HLA-DPA1: variants seen among roughly 807,000 people sequenced by gnomAD.
The protein encoded by HLA-DPA1 is major histocompatibility complex, class II, DP alpha 1.
HLA-DPA1 carries 20 observed loss-of-function variants against 21.5 expected under a neutral mutation model. That is an observed-to-expected ratio of 0.93 (90% confidence interval 0.66 to 1.35). HLA-DPA1 has a LOEUF of 1.35. Among genes scored for constraint, HLA-DPA1 ranks in the 40% most tolerant of loss-of-function variants. HLA-DPA1 has a pLI of 0.00. For missense variants in HLA-DPA1, 279 were observed against 323.0 expected (o/e 0.86, Z 1.05); for synonymous variants, 123 against 129.6 (o/e 0.95, Z 0.35).
chr6:33,075,104 T>C lies in HLA-DPA1; in HGVS notation c.-99-1435A>G, dbSNP rs147820580. Among the ~76,000 whole-genome samples the C allele has an allele frequency of 1.4e-3, 215 of 152,320 alleles. 2 individuals are homozygous for C. The East Asian group carries it at 0.026, about 18-fold the overall frequency. ...GTAAAAATATTCACTCTAAACAAAA[T>C]AGAATCAGATGCTTTGAAGGAGGTG... On this transcript the variant is annotated intron_variant, in intron 1 of 5. Transcript: ENST00000419277.
At chr6:33,075,012 A>G (rs547796935) in intron 1 of HLA-DPA1, among the ~76,000 whole-genome samples, 2 of 152,334 alleles carry the variant, frequency 1.3e-5, no homozygotes, top group African/African-American at 4.8e-5. Context: ...TTGAAATTAG[A>G]ATTGGTGGTC....
chr6:33,064,704 G>A (rs1372912637), exon 6 of HLA-DPA1: 1 of 152,198 alleles, frequency 6.6e-6, no homozygotes, highest in Non-Finnish European at 1.5e-5. Context: ...TAATCTGCCT[G>A]AAATCTTGAT....
At chr6:33,074,316 T>C (rs1464841201) in intron 1 of HLA-DPA1, among the ~76,000 whole-genome samples, 1 of 152,220 alleles carries the variant, frequency 6.6e-6, no homozygotes, top group Non-Finnish European at 1.5e-5. Flanking sequence ...TTTAAATTAC[T>C]AGTCTTGTTA....
chr6:33,073,171 C>T (rs1762364761), intron 2 of HLA-DPA1, among the ~76,000 whole-genome samples: 2 of 152,184 alleles, frequency 1.3e-5, no homozygotes, highest in Non-Finnish European at 1.5e-5. Flanking sequence ...AAAACTTATT[C>T]ATCTTTTTGA....
At chr6:33,079,820 C>G (rs1762740589) in intron 1 of HLA-DPA1, 1 of 452,116 alleles carries the variant, frequency 2.2e-6, no homozygotes, top group Non-Finnish European at 4.3e-6. Context: ...ATCAGAGTCA[C>G]CAACCCCAGT....
At chr6:33,067,325 G>A (rs1296155460) in intron 5 of HLA-DPA1, 2 of 151,990 alleles carry the variant, frequency 1.3e-5, no homozygotes, top group Admixed American at 1.3e-4. Context: ...CCCTCTCCGG[G>A]TAATGAGTGA....
chr6:33,076,048 G>A lies in HLA-DPA1; in HGVS notation c.-99-2379C>T, dbSNP rs773568820. The A allele has an allele frequency of 1.6e-5, 26 of 1,611,574 alleles. No individual in the cohort carries two copies. In the African/African-American group the frequency reaches 3.3e-4, roughly 21 times the overall value. The stretch of plus-strand genomic sequence containing the variant: ...GCCATCCTTTTCCAGCTCCATGATG[G>A]TTCTGCAGGTTTCTGCGGCCCCCCG... On this transcript the variant is annotated intron_variant, in intron 1 of 5. Transcript: ENST00000419277.
At chr6:33,076,833 C>T (rs1375215193) in intron 1 of HLA-DPA1, among the ~76,000 whole-genome samples, 1 of 152,086 alleles carries the variant, frequency 6.6e-6, no homozygotes, top group Non-Finnish European at 1.5e-5. Flanking sequence ...TGAAAAATCT[C>T]TTCTTCCTGC....
chr6:33,069,647 T>A (rs1126542), exon 3 of HLA-DPA1: 1 of 1,609,104 alleles, frequency 6.2e-7, no homozygotes. Flanking sequence ...GTACCGTTGG[T>A]GGCCTGAGTG....
At chr6:33,065,497 T>A in intron 5 of HLA-DPA1, 150 bp from the exon 5 acceptor site, 1 of 152,266 alleles carries the variant, frequency 6.6e-6, no homozygotes, top group South Asian at 2.1e-4. Flanking sequence ...CATGCCCTGG[T>A]CCTCCAGGTG....
chr6:33,069,384 C>T (rs1449761823), intron 3 of HLA-DPA1, 84 bp from the exon 3 acceptor site: 32 of 1,366,752 alleles, frequency 2.3e-5, no homozygotes, highest in Non-Finnish European at 3.2e-5. Flanking sequence ...TGGTCCTCTA[C>T]CTCAGCCTTA....
chr6:33,067,301 TG>T lies in HLA-DPA1; in HGVS notation c.*12+1336del, dbSNP rs1030878832. On this transcript the variant is annotated intron_variant, in intron 5 of 5. Transcript: ENST00000419277. Reference sequence around the variant, plus strand: ...ATTTGAATCATGGAGGAGACCCTCATGAATGGCTTTGTCCCCTCTCCGGGTA... The same window carrying T: ...ATTTGAATCATGGAGGAGACCCTCATAATGGCTTTGTCCCCTCTCCGGGTA... The T allele has an allele frequency of 1.1e-3, 157 of 148,384 alleles. 1 individual carries two copies. The highest frequency in any genetic ancestry group is 3.7e-3 in the African/African-American group (144 of 39,156). 9.2% of individuals were successfully genotyped at this position (148,384 alleles called of 1,614,324 possible).
chr6:33,068,700 T>A, exon 5 of HLA-DPA1: 1 of 1,613,020 alleles, frequency 6.2e-7, no homozygotes, highest in Non-Finnish European at 8.5e-7. Flanking sequence ...AGAGACTTTA[T>A]GATGAGGACG....
At chr6:33,069,532 G>A in intron 3 of HLA-DPA1, 109 bp downstream of exon 2, 2 of 1,359,930 alleles carry the variant, frequency 1.5e-6, no homozygotes, top group Non-Finnish European at 2.1e-6. Flanking sequence ...ACTAGGGGAA[G>A]AGGATCACAC....
At position 33,076,200 on chromosome 6, in the gene HLA-DPA1, G is replaced by A. The variant is rs910615918; in HGVS notation, c.-99-2531C>T. 5 of 1,192,724 alleles carry A rather than the reference G, an allele frequency of 4.2e-6. No homozygotes were observed. In the African/African-American group the frequency reaches 4.5e-5, roughly 11 times the overall value. The allele number at this position is 1,192,724 out of a possible 1,614,324, so 73.9% of individuals were successfully genotyped here. On this transcript the variant is annotated intron_variant, in intron 1 of 5. Transcript: ENST00000419277. ...GCTCAGGGAACAATTCCTAGGGGAC[G>A]TTATCTTTAAGGGATCAAATTCTGA...
intron 3 of HLA-DPA1, 56 bp from the exon 3 acceptor site, chr6:33,069,356 C>T: frequency 6.5e-7 from 1 of 1,541,062 alleles, no homozygotes; most frequent in Non-Finnish European, 8.8e-7. Context: ...CACAAAGGCT[C>T]CACCTCTTAG....
At chr6:33,073,595 T>TA in exon 2 of HLA-DPA1, 1 of 1,549,362 alleles carries the variant, frequency 6.5e-7, no homozygotes, top group Non-Finnish European at 8.9e-7. Context: ...AATTGATGAC[T>TA]GTGAGCACAG....
At chr6:33,073,632 G>A (rs1359094224) in exon 2 of HLA-DPA1, 2 of 1,200,532 alleles carry the variant, frequency 1.7e-6, no homozygotes, top group Admixed American at 1.7e-5. Context: ...CTGAGGCCGA[G>A]TGGAGGCAGA....
exon 3 of HLA-DPA1, chr6:33,069,720 G>T (rs72558172): frequency 4.3e-6 from 7 of 1,612,516 alleles, no homozygotes; most frequent in African/African-American, 2.7e-5. Flanking sequence ...TAGCCAGCCC[G>T]CCCTGAGCCT....
Sources: gnomAD v4.1 joint callset for allele counts (sites outside exome capture counted in the v4.1 genomes callset) on GRCh38, gnomAD v4.1.1 for gene constraint, MANE v1.5 for transcripts, NCBI Gene and HGNC (gene_info 2026-07-23, HGNC 2026-07-21) for gene names.